ERAP1: variants seen among roughly 807,000 people sequenced by gnomAD.
The protein encoded by ERAP1 is adipocyte-derived leucine aminopeptidase.
Under a neutral mutation model 103.7 loss-of-function variants are expected in ERAP1, and 86 were observed. The observed-to-expected ratio is 0.83, with a 90% CI of 0.70 to 0.99. The LOEUF (loss-of-function observed/expected upper bound fraction) is 0.99, where lower values mean the gene tolerates loss of function less well. Ranked by LOEUF, ERAP1 falls within the 50% of genes least tolerant of loss-of-function variation. ERAP1 has a pLI of 0.00. For missense variants in ERAP1, 1,009 were observed against 1,128.4 expected (o/e 0.89, Z 1.52); for synonymous variants, 398 against 402.4 (o/e 0.99, Z 0.13).
chr5:96,774,316 A>AAAC (rs546369029), downstream of ERAP1: 528 of 189,748 alleles, frequency 2.8e-3, 2 homozygotes, highest in African/African-American at 0.012. Flanking sequence ...CTATAAAAGT[A>AAAC]AACAACATTT....
At chr5:96,901,681 G>A in the ERAP1 span, 1 of 1,613,192 alleles carries the variant, frequency 6.2e-7, no homozygotes, top group Non-Finnish European at 8.5e-7. Context: ...CTGCAGGAGA[G>A]GTGGCTGCTT....
intron 15 of ERAP1, among the ~76,000 whole-genome samples, chr5:96,782,300 C>A (rs114006288): frequency 6.6e-6 from 1 of 151,922 alleles, no homozygotes; most frequent in African/African-American, 2.4e-5. Context: ...TGAGCCACCG[C>A]GCCTGGCCTA....
At chr5:96,766,139 T>C (rs1248311629) in intron 19 of ERAP1, 20 of 1,592,250 alleles carry the variant, frequency 1.3e-5, no homozygotes, top group East Asian at 2.2e-5. Flanking sequence ...TGGATGATAA[T>C]GGACAGGTAA....
At chr5:96,824,991 G>A in the ERAP1 span, among the ~76,000 whole-genome samples, 2 of 152,036 alleles carry the variant, frequency 1.3e-5, no homozygotes, top group Non-Finnish European at 2.9e-5. Flanking sequence ...AGTGGGCTGC[G>A]ATCATCACGC....
rs376245409 is a variant in ERAP1, at chr5:96,801,030, G to C, written c.525-30C>G. ...AATTAAGGCAAGTGAAATAAAAATTGAGCATGAAGCACCAGGAACTCTAAA... is the reference window on the plus strand; with the variant it reads ...AATTAAGGCAAGTGAAATAAAAATTCAGCATGAAGCACCAGGAACTCTAAA... On this transcript the variant is annotated intron_variant, in intron 2 of 18. Coordinates refer to ENST00000443439, the MANE Select transcript of ERAP1 (RefSeq NM_001040458.3). 4 of 1,612,396 alleles carry C rather than the reference G, an allele frequency of 2.5e-6. No homozygotes were observed. The African/African-American group carries it at 5.3e-5, about 22-fold the overall frequency.
In ERAP1 at chr5:96,775,576, T is replaced by G. The variant is rs992906417; in HGVS notation, c.*820A>C. On this transcript the variant is annotated 3_prime_UTR_variant, in exon 19 of 19. Coordinates refer to ENST00000443439, the MANE Select transcript of ERAP1 (RefSeq NM_001040458.3). ...TGAGGAGGGTTCTATAAAAAGATTT[T>G]TTGCAAAAGTGCGAGCACATTATGT... 5 of 924,122 alleles carry G rather than the reference T, an allele frequency of 5.4e-6. No individual in the cohort carries two copies. Among genetic ancestry groups the G allele is most frequent in the Admixed American group, 6.2e-5 (1 of 16,220 alleles). The allele number at this position is 924,122 out of a possible 1,614,324, so 57.2% of individuals were successfully genotyped here.
the ERAP1 span, among the ~76,000 whole-genome samples, chr5:96,916,804 C>T: frequency 2.7e-5 from 4 of 149,370 alleles, no homozygotes; most frequent in African/African-American, 7.4e-5. Flanking sequence ...TTTGCACCTT[C>T]TTTTCACAAT....
chr5:96,761,944 TC>T lies in ERAP1; in HGVS notation c.*1255del, dbSNP rs536471373. ...CCATAACTCACTCACTAGAACTTAT[TC>T]AGAGCAATTTTAAAAGAGCTGAAAA... On this transcript the variant is annotated 3_prime_UTR_variant, in exon 20 of 20. Coordinates refer to the ERAP1 transcript ENST00000296754. 572 of 177,282 alleles carry T rather than the reference TC, an allele frequency of 3.2e-3. 3 individuals are homozygous for T. Among genetic ancestry groups the T allele is most frequent in the African/African-American group, 0.013 (544 of 42,400 alleles). The allele number at this position is 177,282 out of a possible 1,614,324, so 11.0% of individuals were successfully genotyped here.
At chr5:96,768,170 G>A (rs1260039733) in intron 19 of ERAP1, among the ~76,000 whole-genome samples, 1 of 152,164 alleles carries the variant, frequency 6.6e-6, no homozygotes, top group East Asian at 1.9e-4. Context: ...TGCGATCTCT[G>A]CTTCCTGGGC....
At chr5:96,923,628 A>G in the ERAP1 span, among the ~76,000 whole-genome samples, 1 of 151,060 alleles carries the variant, frequency 6.6e-6, no homozygotes, top group Non-Finnish European at 1.5e-5. Flanking sequence ...CAGGAGGCAG[A>G]GCTTGCAGTG....
the ERAP1 span, among the ~76,000 whole-genome samples, chr5:96,844,065 C>T: frequency 2.0e-5 from 3 of 152,202 alleles, no homozygotes; most frequent in African/African-American, 7.2e-5. Context: ...CTGCCTAATT[C>T]TCCTTGCTTG....
rs185645825 is a variant in ERAP1 at position 96,792,040 on chromosome 5, T to G, written c.1320+21A>C. On this transcript the variant is annotated intron_variant, in intron 8 of 18. Coordinates refer to ENST00000443439, the MANE Select transcript of ERAP1 (RefSeq NM_001040458.3). ...TAACTTTAGTATCTAAACTGTATCCTTATACTCAATCTACTTTTACCTTAT... is the reference window on the plus strand; with the variant it reads ...TAACTTTAGTATCTAAACTGTATCCGTATACTCAATCTACTTTTACCTTAT... 114 of 1,613,360 alleles carry G rather than the reference T, an allele frequency of 7.1e-5. No homozygotes were observed. In the African/African-American group the frequency reaches 1.4e-3, roughly 20 times the overall value.
the ERAP1 span, among the ~76,000 whole-genome samples, chr5:96,828,234 G>A: frequency 3.7e-4 from 56 of 152,142 alleles, 1 homozygote; most frequent in East Asian, 0.01. Flanking sequence ...TAATTTATCG[G>A]TCTTTTGTGG....
the ERAP1 span, among the ~76,000 whole-genome samples, chr5:96,865,318 C>T: frequency 2.0e-5 from 3 of 152,158 alleles, no homozygotes; most frequent in Non-Finnish European, 4.4e-5. Flanking sequence ...AGGTCCATTT[C>T]CTTCATTTCT....
chr5:96,813,650 C>CAAAAAA, the ERAP1 span, among the ~76,000 whole-genome samples: 31 of 55,158 alleles, frequency 5.6e-4, 10 homozygotes, highest in East Asian at 1.6e-3. Flanking sequence ...AGACTCATCT[C>CAAAAAA]AAAAAAAAAA....
At chr5:96,873,022 C>T in the ERAP1 span, among the ~76,000 whole-genome samples, 151 of 152,132 alleles carry the variant, frequency 9.9e-4, no homozygotes, top group Non-Finnish European at 1.8e-3. Flanking sequence ...AACCCCGTCT[C>T]TACTAAAAAT....
intron 1 of ERAP1, 64 bp from the exon 2 acceptor site, chr5:96,804,007 T>A: frequency 6.5e-7 from 1 of 1,549,138 alleles, no homozygotes; most frequent in Non-Finnish European, 8.8e-7. Context: ...CACAGCATAA[T>A]TTCAGAATGT....
the ERAP1 span, among the ~76,000 whole-genome samples, chr5:96,903,871 G>A: frequency 3.3e-5 from 5 of 152,180 alleles, no homozygotes; most frequent in African/African-American, 9.7e-5. Context: ...CTATAAAGGA[G>A]AGTGCAGTGG....
chr5:96,787,022 C>T (rs1333109890), intron 11 of ERAP1, among the ~76,000 whole-genome samples: 1 of 151,730 alleles, frequency 6.6e-6, no homozygotes. Flanking sequence ...TCGAGAAGCC[C>T]AAAAAAGACT....
Sources: gnomAD v4.1 joint callset for allele counts (sites outside exome capture counted in the v4.1 genomes callset) on GRCh38, gnomAD v4.1.1 for gene constraint, MANE v1.5 for transcripts, NCBI Gene and HGNC (gene_info 2026-07-23, HGNC 2026-07-21) for gene names.